The following ZDHHC7 variants were observed in gnomAD, a reference collection of about 807,000 sequenced individuals.
ZDHHC7 encodes palmitoyltransferase ZDHHC7.
Under a neutral mutation model 34.1 loss-of-function variants are expected in ZDHHC7, and 12 were observed. The observed-to-expected ratio is 0.35, with a 90% confidence interval of 0.23 to 0.57. ZDHHC7 has a LOEUF of 0.57. Ranked by LOEUF, ZDHHC7 falls within the 20% of genes least tolerant of loss-of-function variation. The probability of loss-of-function intolerance (pLI) is 0.84; values close to 1 mark genes in which losing one functional copy is unlikely to be tolerated. For missense variants in ZDHHC7, 388 were observed against 402.7 expected, an observed-to-expected ratio of 0.96 and a Z score of 0.31; for synonymous variants, 185 against 155.4, an observed-to-expected ratio of 1.19 and a Z score of -1.42.
chr16:84,982,048 C>G, intron 3 of ZDHHC7, 54 bp from the exon 4 acceptor site: 3 of 1,607,136 alleles, frequency 1.9e-6, no homozygotes, highest in Non-Finnish European at 2.6e-6. Flanking sequence ...TTAAAAACAT[C>G]AGGCCGGGCG....
At chr16:85,001,932 A>ATG (rs1445866030) in intron 1 of ZDHHC7, among the ~76,000 whole-genome samples, 116 of 151,268 alleles carry the variant, frequency 7.7e-4, no homozygotes, top group African/African-American at 2.7e-3. Context: ...AAAAATAAAT[A>ATG]TATATACAAG....
chr16:84,976,760 T>C (rs2072303521), intron 7 of ZDHHC7, among the ~76,000 whole-genome samples: 1 of 152,216 alleles, frequency 6.6e-6, no homozygotes, highest in Admixed American at 6.5e-5. Flanking sequence ...CCAACATTTG[T>C]CGCTCGTTAG....
At chr16:84,980,984 G>A (rs889307177) in intron 4 of ZDHHC7, among the ~76,000 whole-genome samples, 3 of 152,148 alleles carry the variant, frequency 2.0e-5, no homozygotes, top group Non-Finnish European at 2.9e-5. Flanking sequence ...GTTTCCTCCC[G>A]TTGGAGGCCA....
intron 1 of ZDHHC7, among the ~76,000 whole-genome samples, chr16:85,006,103 C>A (rs1190245953): frequency 6.6e-6 from 1 of 152,206 alleles, no homozygotes; most frequent in African/African-American, 2.4e-5. Context: ...GCGGCTCACA[C>A]TTGTAATCCC....
At chr16:85,022,446 G>A in the ZDHHC7 span, among the ~76,000 whole-genome samples, 13 of 151,710 alleles carry the variant, frequency 8.6e-5, no homozygotes, top group Non-Finnish European at 1.5e-4. Flanking sequence ...TCACTTGAAC[G>A]TGGGAGGCGG....
the ZDHHC7 span, among the ~76,000 whole-genome samples, chr16:85,022,333 C>T: frequency 2.6e-5 from 4 of 151,950 alleles, no homozygotes; most frequent in Admixed American, 6.6e-5. Flanking sequence ...CCAGCCTGGC[C>T]AACATGGTGA....
chr16:84,989,524 T>G (rs1049306115), intron 3 of ZDHHC7, among the ~76,000 whole-genome samples: 1 of 152,056 alleles, frequency 6.6e-6, no homozygotes, highest in Middle Eastern at 3.4e-3. Flanking sequence ...GGTGAAACCC[T>G]GTCTCTACTA....
chr16:85,000,783 G>A (rs56087112), intron 1 of ZDHHC7, among the ~76,000 whole-genome samples: 2,359 of 152,300 alleles, frequency 0.015, 60 homozygotes, highest in African/African-American at 0.054. Flanking sequence ...CCTCAAGGAT[G>A]TGCAGCCAAA....
intron 2 of ZDHHC7, among the ~76,000 whole-genome samples, chr16:84,995,685 C>T (rs2072567955): frequency 6.6e-6 from 1 of 152,048 alleles, no homozygotes; most frequent in South Asian, 2.1e-4. Context: ...GCGGGGTATT[C>T]CCCTCATCTT....
intron 1 of ZDHHC7, among the ~76,000 whole-genome samples, chr16:85,011,073 C>G (rs897208505): frequency 1.3e-5 from 2 of 152,364 alleles, no homozygotes; most frequent in Non-Finnish European, 1.5e-5. Context: ...GGCCCTATCC[C>G]GAGAGAGCAA....
At chr16:84,987,422 G>A (rs979611692) in intron 3 of ZDHHC7, among the ~76,000 whole-genome samples, 2 of 152,010 alleles carry the variant, frequency 1.3e-5, no homozygotes, top group African/African-American at 4.8e-5. Flanking sequence ...GTAAAATGGT[G>A]TGGATGCTTC....
chr16:84,981,034 C>A (rs540419997), intron 4 of ZDHHC7, among the ~76,000 whole-genome samples: 20 of 152,360 alleles, frequency 1.3e-4, no homozygotes, highest in Non-Finnish European at 2.4e-4. Context: ...CACGACCCCC[C>A]AGGAGAAGGG....
chr16:84,994,337 C>T (rs2072548685), intron 2 of ZDHHC7, among the ~76,000 whole-genome samples: 1 of 152,316 alleles, frequency 6.6e-6, no homozygotes, highest in African/African-American at 2.4e-5. Context: ...TATCTGTGGG[C>T]CCAGGTACAT....
At chr16:85,003,089 G>A (rs1319820548) in intron 1 of ZDHHC7, among the ~76,000 whole-genome samples, 1 of 152,120 alleles carries the variant, frequency 6.6e-6, no homozygotes, top group Non-Finnish European at 1.5e-5. Context: ...GAAAAGCAGA[G>A]TAACGAAGGC....
chr16:85,003,459 G>A (rs933643439), intron 1 of ZDHHC7, among the ~76,000 whole-genome samples: 2 of 152,200 alleles, frequency 1.3e-5, no homozygotes, highest in Non-Finnish European at 2.9e-5. Flanking sequence ...TGGCGACTGC[G>A]CTCCTAAGTG....
At chr16:84,981,086 G>A (rs1416132271) in intron 4 of ZDHHC7, among the ~76,000 whole-genome samples, 4 of 152,162 alleles carry the variant, frequency 2.6e-5, no homozygotes, top group Admixed American at 1.3e-4. Context: ...AGGGACGTGT[G>A]ACAACTATTT....
intron 7 of ZDHHC7, 27 bp from the exon 8 acceptor site, chr16:84,976,546 CA>C: frequency 6.2e-7 from 1 of 1,608,988 alleles, no homozygotes; most frequent in East Asian, 2.2e-5. Flanking sequence ...AAGCAAGTGG[CA>C]GCGGCTCCAG....
chr16:84,996,490 A>G (rs930091048), intron 1 of ZDHHC7, among the ~76,000 whole-genome samples: 2 of 152,166 alleles, frequency 1.3e-5, no homozygotes, highest in African/African-American at 4.8e-5. Flanking sequence ...GGGCCACTCA[A>G]TGAGAGCAGA....
chr16:84,976,983 T>C lies in ZDHHC7; in HGVS notation c.750+112A>G, dbSNP rs765531682. The C allele has an allele frequency of 1.0e-4, 151 of 1,474,878 alleles. No homozygotes were observed. In the Middle Eastern group the frequency reaches 1.5e-3, roughly 15 times the overall value. The allele number at this position is 1,474,878 out of a possible 1,614,324, so 91.4% of individuals were successfully genotyped here. A position where few individuals can be genotyped will look rare whatever the true frequency, so the allele number is the denominator to read the frequency against. On this transcript the variant is annotated intron_variant, in intron 7 of 7. Coordinates refer to ENST00000313732, the MANE Select transcript of ZDHHC7 (RefSeq NM_017740.3). Reference sequence around the variant, plus strand: ...AGCTGGTTGCAGCTCATCAAGACCGTCCCATTACGTTCCCGAGTCAGTCCA... The same window carrying C: ...AGCTGGTTGCAGCTCATCAAGACCGCCCCATTACGTTCCCGAGTCAGTCCA...
Sources: allele counts gnomAD v4.1 joint callset (sites outside exome capture counted in the v4.1 genomes callset), GRCh38; gene constraint gnomAD v4.1.1; transcripts MANE v1.5; gene names NCBI Gene and HGNC (gene_info 2026-07-23, HGNC 2026-07-21).